The following UBAP2 variants were observed in gnomAD, a reference collection of about 807,000 sequenced individuals.
UBAP2 encodes the protein ubiquitin associated protein 2, also known as ubiquitin-associated protein 2.
A neutral mutation model predicts 139.6 loss-of-function variants in UBAP2; 75 were observed. The ratio of observed to expected loss-of-function variants is 0.54; its 90% CI spans 0.45 to 0.65. UBAP2 has a LOEUF of 0.65. UBAP2 is among the 30% of genes least tolerant of loss of function. The probability of loss-of-function intolerance (pLI) is 0.00; values close to 1 mark genes in which losing one functional copy is unlikely to be tolerated. For missense variants in UBAP2, 1,368 were observed against 1,369.6 expected (o/e 1.00, Z 0.02); for synonymous variants, 526 against 526.2 (o/e 1.00, Z 0.01).
chr9:34,036,314 T>A lies in UBAP2; in HGVS notation c.-42+12511A>T, dbSNP rs574063000. The stretch of plus-strand genomic sequence containing the variant: ...TATAATTTAATAGAGATGGGGTTTC[T>A]CCATGTTGGTCAGGATGGTCTCAAA... On this transcript the variant is annotated intron_variant, in intron 1 of 28. Coordinates refer to ENST00000379238, the MANE Select transcript of UBAP2 (RefSeq NM_001370062.2). Among the ~76,000 whole-genome samples, 186 of 152,040 alleles carry A rather than the reference T, an allele frequency of 1.2e-3. 1 individual carries two copies. Among genetic ancestry groups the A allele is most frequent in the African/African-American group, 4.2e-3 (175 of 41,486 alleles).
intron 1 of UBAP2, among the ~76,000 whole-genome samples, chr9:34,021,125 C>A (rs1368361241): frequency 6.6e-6 from 1 of 152,068 alleles, no homozygotes; most frequent in African/African-American, 2.4e-5. Context: ...GGAGACTAAC[C>A]ATAATTCATC....
chr9:34,028,361 CTTATTTATTTAT>C (rs143612468), intron 1 of UBAP2, among the ~76,000 whole-genome samples: 1 of 144,112 alleles, frequency 6.9e-6, no homozygotes, highest in East Asian at 2.1e-4. Flanking sequence ...TAAACCCTGT[CTTATTTATTTAT>C]TTATTTATTT....
At chr9:34,010,341 T>G (rs1823639765) in intron 2 of UBAP2, among the ~76,000 whole-genome samples, 2 of 148,878 alleles carry the variant, frequency 1.3e-5, no homozygotes, top group Admixed American at 6.8e-5. Flanking sequence ...GGAAAATCAC[T>G]TGAACCTGGG....
intron 6 of UBAP2, among the ~76,000 whole-genome samples, chr9:33,977,520 A>C (rs1334409733): frequency 1.3e-5 from 2 of 152,150 alleles, no homozygotes; most frequent in African/African-American, 4.8e-5. Context: ...AGCTCAGAAT[A>C]AAGATCCAGA....
At chr9:34,012,330 A>T (rs1043851831) in intron 2 of UBAP2, among the ~76,000 whole-genome samples, 1 of 152,186 alleles carries the variant, frequency 6.6e-6, no homozygotes, top group Non-Finnish European at 1.5e-5. Context: ...CAGGAGTTCG[A>T]GAGCAGCCTG....
chr9:34,047,026 G>A (rs1208278273), intron 1 of UBAP2, among the ~76,000 whole-genome samples: 1 of 152,150 alleles, frequency 6.6e-6, no homozygotes, highest in Non-Finnish European at 1.5e-5. Flanking sequence ...GAGGAAACCA[G>A]AGCAGCAGGA....
chr9:34,035,787 A>G (rs1826312634), intron 1 of UBAP2, among the ~76,000 whole-genome samples: 1 of 151,840 alleles, frequency 6.6e-6, no homozygotes, highest in South Asian at 2.1e-4. Flanking sequence ...TATTCCTTCC[A>G]ATCCCTACAC....
intron 19 of UBAP2, among the ~76,000 whole-genome samples, chr9:33,929,434 C>T (rs1199920098): frequency 1.3e-5 from 2 of 152,142 alleles, no homozygotes; most frequent in Non-Finnish European, 2.9e-5. Context: ...TTCAAGGCTT[C>T]GCTCAGTCCA....
chr9:34,024,006 T>G (rs1825186435), intron 1 of UBAP2, among the ~76,000 whole-genome samples: 1 of 150,904 alleles, frequency 6.6e-6, no homozygotes. Flanking sequence ...ATGGCGCCAT[T>G]GCACTCCAGT....
At chr9:34,044,922 T>C (rs1285349967) in intron 1 of UBAP2, among the ~76,000 whole-genome samples, 3 of 152,124 alleles carry the variant, frequency 2.0e-5, no homozygotes, top group South Asian at 4.1e-4. Flanking sequence ...AAACACCTAC[T>C]CTACTCCTTA....
In UBAP2 at chr9:33,944,528, G is replaced by C; in HGVS notation, c.1382C>G (p.Ser461Cys). 6.2e-7 allele frequency: 1 copy of C among 1,614,122 alleles called. No individual in the cohort carries two copies. Among genetic ancestry groups the C allele is most frequent in the Non-Finnish European group, 8.5e-7 (1 of 1,180,024 alleles). ...TGTTGATTCTCGAAGTTTTGCCTGG[G>C]AAGGAAAGGACTCCAAACCAGGAGG... ...VPPPGLESFP[S>C]QAKLRESTPG... The change falls in exon 14 of 29, where the codon TCC (serine) becomes TGC (cysteine). Residue 461 changes from serine to cysteine, a missense_variant. Coordinates refer to ENST00000379238, the MANE Select transcript of UBAP2 (RefSeq NM_001370062.2).
At chr9:34,046,747 G>A (rs891345801) in intron 1 of UBAP2, among the ~76,000 whole-genome samples, 1 of 151,644 alleles carries the variant, frequency 6.6e-6, no homozygotes, top group African/African-American at 2.4e-5. Context: ...TACTTAAGAG[G>A]GTAGATACCG....
Position 33,923,214 on chromosome 9 carries a change from G to C in UBAP2, c.2976C>G (p.Asn992Lys). 6.2e-7 allele frequency: 1 copy of C among 1,614,218 alleles called. No individual in the cohort carries two copies. Among genetic ancestry groups the C allele is most frequent in the Non-Finnish European group, 8.5e-7 (1 of 1,180,032 alleles). Reference protein sequence around the residue: ...GGYAGSSQAPNKSAGSGPGKG... With the variant: ...GGYAGSSQAPKKSAGSGPGKG... ...TGCCAGGCCCAGAACCTGCAGACTTGTTTGGTGCCTGCGATGATCCAGCAT... is the reference window on the plus strand; with the variant it reads ...TGCCAGGCCCAGAACCTGCAGACTTCTTTGGTGCCTGCGATGATCCAGCAT... The change falls in exon 26 of 29, where the codon AAC becomes AAG. Residue 992 changes from asparagine to lysine, a missense_variant. Coordinates refer to ENST00000379238, the MANE Select transcript of UBAP2 (RefSeq NM_001370062.2).
rs564420973 is a variant in UBAP2 at position 33,982,390 on chromosome 9, G to A, written c.520+4370C>T. On this transcript the variant is annotated intron_variant, in intron 6 of 28. Coordinates refer to ENST00000379238, the MANE Select transcript of UBAP2 (RefSeq NM_001370062.2). ...CTTACGACAACTTACTATCCAGCAA[G>A]GCCAACTGATCAAGCTAAGAACAAA... 2.0e-5 allele frequency among the ~76,000 whole-genome samples: 3 copies of A among 152,224 alleles called. No individual in the cohort carries two copies. The East Asian group carries it at 5.8e-4, about 29-fold the overall frequency.
Position 33,998,783 on chromosome 9 carries a change from A to C in UBAP2, c.177+4T>G, listed in dbSNP as rs778253785. ...AATGATGATATCCTTTGCCAGAAAC[A>C]TACCTGCTTAACTTTAGCTTCAAAA... On this transcript the variant is annotated splice_donor_region_variant and intron_variant, in intron 3 of 28. Coordinates refer to ENST00000379238, the MANE Select transcript of UBAP2 (RefSeq NM_001370062.2). The C allele has an allele frequency of 6.2e-7, 1 of 1,610,482 alleles. No homozygotes were observed. Among genetic ancestry groups the C allele is most frequent in the Non-Finnish European group, 8.5e-7 (1 of 1,178,668 alleles).
intron 3 of UBAP2, chr9:33,996,544 AATCAAT>A: frequency 2.1e-6 from 1 of 470,974 alleles, no homozygotes; most frequent in South Asian, 3.4e-5. Flanking sequence ...TCTAACTACA[AATCAAT>A]CTTCCTCCAA....
intron 20 of UBAP2, 87 bp downstream of exon 20, chr9:33,927,710 C>T: frequency 2.8e-6 from 4 of 1,435,040 alleles, no homozygotes; most frequent in Non-Finnish European, 3.7e-6. Flanking sequence ...TGAGACTCTC[C>T]TGACACCTGC....
intron 1 of UBAP2, among the ~76,000 whole-genome samples, chr9:34,047,369 G>A (rs960550613): frequency 2.0e-5 from 3 of 152,166 alleles, no homozygotes; most frequent in Admixed American, 1.3e-4. Flanking sequence ...GGGCTCCACA[G>A]GTGAGTGTAT....
intron 20 of UBAP2, among the ~76,000 whole-genome samples, chr9:33,927,456 C>T (rs932437750): frequency 1.3e-5 from 2 of 152,156 alleles, no homozygotes; most frequent in South Asian, 2.1e-4. Flanking sequence ...TAGCAGCGAC[C>T]ATCAAATCAT....
Sources: gnomAD v4.1 joint callset for allele counts (sites outside exome capture counted in the v4.1 genomes callset) on GRCh38, gnomAD v4.1.1 for gene constraint, MANE v1.5 for transcripts, NCBI Gene and HGNC (gene_info 2026-07-23, HGNC 2026-07-21) for gene names.